Variants in MGAM observed in about 807,000 individuals in gnomAD.
MGAM encodes the protein alpha-1,4-glucosidase.
In MGAM, 253 loss-of-function variants were observed where a neutral mutation model predicts 358.8. That is an observed-to-expected ratio of 0.71 (90% CI 0.64 to 0.78). The LOEUF (loss-of-function observed/expected upper bound fraction) is 0.78. Ranked by LOEUF, MGAM falls within the 30% of genes least tolerant of loss-of-function variation. The pLI is 0.00. For synonymous variants in MGAM, 1,105 were observed against 1,227.1 expected, an observed-to-expected ratio of 0.90 and a Z score of 2.08; for missense variants, 3,080 against 3,432.6, an observed-to-expected ratio of 0.90 and a Z score of 2.57.
intron 3 of MGAM, among the ~76,000 whole-genome samples, chr7:142,012,148 A>G (rs1404648786): frequency 6.6e-6 from 1 of 152,016 alleles, no homozygotes; most frequent in African/African-American, 2.4e-5. Flanking sequence ...CATTCTACTC[A>G]TTTTCTTCAT....
At chr7:141,992,578 GT>G (rs111541173), upstream of MGAM, among the ~76,000 whole-genome samples, 1 of 152,142 alleles carries the variant, frequency 6.6e-6, no homozygotes, top group African/African-American at 2.4e-5. Flanking sequence ...TGAAGGTCTT[GT>G]TTTTATTTAT....
Position 142,050,192 on chromosome 7 carries a change from G to A in MGAM, c.2588-43G>A, listed in dbSNP as rs766261678. The A allele has an allele frequency of 1.1e-5, 17 of 1,598,828 alleles. No homozygotes were observed. The East Asian group carries it at 3.6e-4, about 34-fold the overall frequency. ...GGTAGGGTGAAATCTGTTCTTCTGAGGTGGGCAGGCCAGAATCTGACTTGT... is the reference window on the plus strand; with the variant it reads ...GGTAGGGTGAAATCTGTTCTTCTGAAGTGGGCAGGCCAGAATCTGACTTGT... On this transcript the variant is annotated intron_variant, in intron 22 of 70. Coordinates refer to ENST00000475668, the MANE Select transcript of MGAM (RefSeq NM_001365693.1).
chr7:142,069,429 A>C (rs1488222672), intron 43 of MGAM, among the ~76,000 whole-genome samples: 2 of 145,530 alleles, frequency 1.4e-5, no homozygotes, highest in Non-Finnish European at 3.1e-5. Flanking sequence ...TTGGGGAAGA[A>C]TCAAAGGAGG....
At chr7:142,060,449 G>A (rs1319704320) in intron 34 of MGAM, 76 bp downstream of exon 34, 11 of 1,532,392 alleles carry the variant, frequency 7.2e-6, no homozygotes, top group Non-Finnish European at 9.9e-6. Context: ...TTGTGGACAT[G>A]CCTGTACCGT....
Position 141,995,950 on chromosome 7 carries a change from A to G in MGAM, c.-3+20A>G, listed in dbSNP as rs1451076561. 3 of 152,176 alleles carry G rather than the reference A, an allele frequency of 2.0e-5. No homozygotes were observed. Among genetic ancestry groups the G allele is most frequent in the African/African-American group, 7.2e-5 (3 of 41,426 alleles). 9.4% of individuals were successfully genotyped at this position (152,176 alleles called of 1,614,324 possible). On this transcript the variant is annotated intron_variant, in intron 1 of 70. Coordinates refer to ENST00000475668, the MANE Select transcript of MGAM (RefSeq NM_001365693.1). ...AATGAGGTATGTTTGTGAACCTTGT[A>G]TTCTTTTACGGTTACAGATGTGTGT...
intron 1 of MGAM, 120 bp from the exon 2 acceptor site, chr7:142,005,409 G>T: frequency 1.5e-6 from 1 of 667,864 alleles, no homozygotes; most frequent in East Asian, 3.2e-5. Context: ...TTTAGATAAT[G>T]GATGCTTGGG....
Position 142,098,966 on chromosome 7 carries a change from A to G in MGAM, c.7750-647A>G, listed in dbSNP as rs143050363. Among the ~76,000 whole-genome samples, 233 of 152,344 alleles carry G rather than the reference A, an allele frequency of 1.5e-3. 1 individual carries two copies. The highest frequency in any genetic ancestry group is 5.2e-3 in the African/African-American group (217 of 41,582). On this transcript the variant is annotated intron_variant, in intron 66 of 70. Transcript: ENST00000475668. The stretch of plus-strand genomic sequence containing the variant: ...TCTAGAGCACAAGCTGGCAAAAACT[A>G]TGGCCCACAGCCAAATCTGGTTGTT...
At chr7:142,073,520 G>A (rs959437565) in intron 44 of MGAM, among the ~76,000 whole-genome samples, 2 of 146,266 alleles carry the variant, frequency 1.4e-5, no homozygotes, top group Non-Finnish European at 3.1e-5. Flanking sequence ...TTTAAGTAAT[G>A]TGTTGTGTTT....
At chr7:142,043,102 C>T (rs1212876569) in intron 21 of MGAM, among the ~76,000 whole-genome samples, 3 of 49,946 alleles carry the variant, frequency 6.0e-5, no homozygotes, top group African/African-American at 3.2e-4. Context: ...ATTATATATA[C>T]ATATAATATC....
chr7:142,099,395 G>A (rs1262859600), intron 66 of MGAM, among the ~76,000 whole-genome samples: 1 of 152,196 alleles, frequency 6.6e-6, no homozygotes, highest in African/African-American at 2.4e-5. Context: ...AGTTTGTACA[G>A]TGGAAGCAAA....
intron 33 of MGAM, 83 bp from the exon 34 acceptor site, chr7:142,060,228 C>G: frequency 6.5e-7 from 1 of 1,547,336 alleles, no homozygotes; most frequent in African/African-American, 1.4e-5. Context: ...CCTAGGAGCA[C>G]GGTTTGTATA....
At chr7:142,003,683 A>G (rs1275382657) in intron 1 of MGAM, among the ~76,000 whole-genome samples, 2 of 152,138 alleles carry the variant, frequency 1.3e-5, no homozygotes, top group Admixed American at 6.5e-5. Flanking sequence ...CACAACAGAA[A>G]CAAAATCAGA....
At chr7:142,099,292 T>A (rs1408074273) in intron 66 of MGAM, among the ~76,000 whole-genome samples, 1 of 152,204 alleles carries the variant, frequency 6.6e-6, no homozygotes, top group African/African-American at 2.4e-5. Flanking sequence ...AGCCCTGCTC[T>A]AGTTGAGAAC....
intron 31 of MGAM, among the ~76,000 whole-genome samples, chr7:142,059,264 A>G (rs1162793039): frequency 6.6e-6 from 1 of 152,148 alleles, no homozygotes; most frequent in East Asian, 1.9e-4. Flanking sequence ...GCTTGTGCTG[A>G]CTTCGATTTT....
rs1443713109 is a variant in MGAM at position 142,097,598 on chromosome 7, C to A, written c.7698C>A (p.Ala2566=). 1.9e-6 allele frequency: 3 copies of A among 1,612,908 alleles called. No individual in the cohort carries two copies. Among genetic ancestry groups the A allele is most frequent in the Non-Finnish European group, 2.5e-6 (3 of 1,178,974 alleles). The change falls in exon 66 of 71, where the codon GCC becomes GCA. Residue 2566 remains alanine, a synonymous_variant. Coordinates refer to ENST00000475668, the MANE Select transcript of MGAM (RefSeq NM_001365693.1). Reference sequence around the variant, plus strand: ...TTGTTTATGTTTCATTTTAGAATGCCAGAAATGTCACTGCATATTTCCCTA... The same window carrying A: ...TTGTTTATGTTTCATTTTAGAATGCAAGAAATGTCACTGCATATTTCCCTA... ...FLVSPVLERN[A]RNVTAYFPRA... is the part of the protein sequence containing the mutation.
In MGAM at chr7:142,022,288, C is replaced by A. The variant is rs572139780; in HGVS notation, c.731C>A (p.Pro244His). 6.2e-7 allele frequency: 1 copy of A among 1,611,354 alleles called. No individual in the cohort carries two copies. The highest frequency in any genetic ancestry group is 2.2e-5 in the East Asian group (1 of 44,808). Residue 244 changes from proline (P) to histidine (H), a missense_variant, in exon 7 of 71, where the codon CCC becomes CAC. Transcript: ENST00000475668. Reference sequence around the variant, plus strand: ...TCTAGGTTTGACTCGAGCATTGGGCCCCTACTGTTTGCTGACCAGTTCTTG... The same window carrying A: ...TCTAGGTTTGACTCGAGCATTGGGCACCTACTGTTTGCTGACCAGTTCTTG... ...NRVLFDSSIGPLLFADQFLQL... is the reference protein window; with the variant it reads ...NRVLFDSSIGHLLFADQFLQL...
At chr7:142,059,798 C>T in intron 32 of MGAM, 58 bp from the exon 33 acceptor site, 2 of 1,577,072 alleles carry the variant, frequency 1.3e-6, no homozygotes, top group South Asian at 2.3e-5. Context: ...CTCCTTCATT[C>T]TGTTTCTCCT....
chr7:142,065,417 T>G lies in MGAM; in HGVS notation c.4567T>G (p.Trp1523Gly), dbSNP rs745360965. ...FPSSGRWAGH[W>G]LGDNTAAWDQ... ...CTCTTCTGGCCGCTGGGCAGGACATTGGCTGGGAGACAACACGGCCGCATG... is the reference window on the plus strand; with the variant it reads ...CTCTTCTGGCCGCTGGGCAGGACATGGGCTGGGAGACAACACGGCCGCATG... Residue 1523 changes from tryptophan (W) to glycine (G), a missense_variant, in exon 38 of 71, where the codon TGG (tryptophan) becomes GGG (glycine). Trp to Gly is a radical substitution (Grantham distance 184). This residue lies in a region of MGAM where 134 missense variants were observed against 198.4 expected (regional missense o/e 0.68). Transcript: ENST00000475668. 1 of 1,610,254 alleles carries G rather than the reference T, an allele frequency of 6.2e-7. No homozygotes were observed. The highest frequency in any genetic ancestry group is 1.1e-5 in the South Asian group (1 of 90,394).
chr7:142,023,785 G>A (rs986157617), intron 7 of MGAM, among the ~76,000 whole-genome samples: 3 of 152,148 alleles, frequency 2.0e-5, no homozygotes, highest in Non-Finnish European at 4.4e-5. Flanking sequence ...AAGCAGAAAA[G>A]CTGTTAAGTC....
Sources: allele counts gnomAD v4.1 joint callset (sites outside exome capture counted in the v4.1 genomes callset), GRCh38; gene constraint gnomAD v4.1.1; regional missense constraint gnomAD v4.1.1; transcripts MANE v1.5; gene names NCBI Gene and HGNC (gene_info 2026-07-23, HGNC 2026-07-21).